CERS5: variants seen among roughly 807,000 people sequenced by gnomAD.
CERS5 encodes the protein LAG1 homolog, ceramide synthase 5.
In CERS5, 37 loss-of-function variants were observed where a neutral mutation model predicts 58.9. That is an observed-to-expected ratio of 0.63 (90% CI 0.48 to 0.83). CERS5 has a LOEUF of 0.83. CERS5 is among the 40% of genes least tolerant of loss of function. The probability of loss-of-function intolerance (pLI) is 0.00; values close to 1 mark genes in which losing one functional copy is unlikely to be tolerated. For synonymous variants in CERS5, 147 were observed against 177.8 expected, an observed-to-expected ratio of 0.83 and a Z score of 1.38; for missense variants, 398 against 489.3, an observed-to-expected ratio of 0.81 and a Z score of 1.76.
At chr12:50,158,414 C>G (rs1047473903) in intron 1 of CERS5, among the ~76,000 whole-genome samples, 1 of 152,108 alleles carries the variant, frequency 6.6e-6, no homozygotes, top group Non-Finnish European at 1.5e-5. Flanking sequence ...TTTATTTTTA[C>G]ATTTTTCTTG....
chr12:50,134,831 A>G (rs1951544302), intron 8 of CERS5, 129 bp from the exon 9 acceptor site: 2 of 751,966 alleles, frequency 2.7e-6, no homozygotes, highest in South Asian at 1.8e-5. Flanking sequence ...AGTTCCAGGG[A>G]CCGTCATCCA....
intron 1 of CERS5, chr12:50,145,089 G>T (rs1952188062): frequency 1.5e-5 from 2 of 135,366 alleles, no homozygotes; most frequent in Non-Finnish European, 2.9e-5. Flanking sequence ...AGTGAGCCGA[G>T]ATTGTGCCAC....
intron 6 of CERS5, among the ~76,000 whole-genome samples, chr12:50,137,399 A>AT (rs1951745793): frequency 1.3e-5 from 2 of 152,194 alleles, no homozygotes; most frequent in East Asian, 1.9e-4. Context: ...GGAATCAGAC[A>AT]TTTTTTCTGA....
At chr12:50,150,856 A>G (rs1327877338) in intron 1 of CERS5, among the ~76,000 whole-genome samples, 1 of 152,232 alleles carries the variant, frequency 6.6e-6, no homozygotes, top group Non-Finnish European at 1.5e-5. Context: ...GGAGGAAAGA[A>G]GTAGAAATAG....
At chr12:50,130,789 G>T in intron 9 of CERS5, 95 bp from the exon 10 acceptor site, 2 of 1,181,052 alleles carry the variant, frequency 1.7e-6, no homozygotes, top group African/African-American at 1.5e-5. Context: ...TTCCCAGTCT[G>T]GTCTGCTTTC....
intron 1 of CERS5, among the ~76,000 whole-genome samples, chr12:50,152,971 G>A (rs1410744538): frequency 6.6e-6 from 1 of 152,050 alleles, no homozygotes; most frequent in Non-Finnish European, 1.5e-5. Flanking sequence ...TCGGGAGGCT[G>A]AGGCAGGAGA....
chr12:50,140,157 A>T (rs1011170743), intron 4 of CERS5, among the ~76,000 whole-genome samples: 1 of 152,058 alleles, frequency 6.6e-6, no homozygotes, highest in Non-Finnish European at 1.5e-5. Flanking sequence ...TTTCCCTCTA[A>T]GTATGTTTTA....
intron 4 of CERS5, among the ~76,000 whole-genome samples, chr12:50,139,583 T>C (rs1488362534): frequency 1.3e-5 from 2 of 151,926 alleles, no homozygotes; most frequent in Admixed American, 1.3e-4. Context: ...CACCTGAGGT[T>C]AGGAGTTCAA....
intron 1 of CERS5, among the ~76,000 whole-genome samples, chr12:50,151,318 T>C (rs935580674): frequency 3.3e-5 from 5 of 152,206 alleles, no homozygotes; most frequent in Non-Finnish European, 7.3e-5. Flanking sequence ...CAGCATTTTA[T>C]TAGGTTGGTG....
At chr12:50,163,855 T>C (rs1055927460) in intron 1 of CERS5, among the ~76,000 whole-genome samples, 1 of 152,026 alleles carries the variant, frequency 6.6e-6, no homozygotes, top group Admixed American at 6.6e-5. Flanking sequence ...GGTTTCACCA[T>C]GTTGCCAAGG....
At chr12:50,133,773 TTAAAAGG>T in intron 9 of CERS5, 1 of 985,660 alleles carries the variant, frequency 1.0e-6, no homozygotes, top group Non-Finnish European at 1.2e-6. Flanking sequence ...AAGTCACATC[TTAAAAGG>T]TAAAACAGGC....
intron 6 of CERS5, among the ~76,000 whole-genome samples, chr12:50,136,270 C>T (rs758861343): frequency 2.8e-4 from 43 of 152,034 alleles, no homozygotes; most frequent in African/African-American, 1.0e-3. Context: ...GTCAGGAGTT[C>T]GAGACCAGCC....
chr12:50,131,413 G>C (rs1951309644), intron 9 of CERS5, among the ~76,000 whole-genome samples: 1 of 151,964 alleles, frequency 6.6e-6, no homozygotes, highest in South Asian at 2.1e-4. Flanking sequence ...ACAAAAATTA[G>C]CCGGGTGTGG....
intron 2 of CERS5, 149 bp from the exon 3 acceptor site, chr12:50,143,353 A>T (rs1482954438): frequency 3.4e-6 from 3 of 879,898 alleles, no homozygotes; most frequent in East Asian, 5.0e-5. Flanking sequence ...ATTTTTAGTA[A>T]GAAATTTTAT....
Position 50,138,568 on chromosome 12 carries a change from T to G in CERS5, c.542A>C (p.Gln181Pro). The change falls in exon 5 of 10, where the codon CAG (glutamine) becomes CCG (proline). Residue 181 changes from glutamine (Q) to proline (P), a missense_variant and splice_region_variant. This residue lies in a region of CERS5 where 328 missense variants were observed against 384.5 expected (regional missense o/e 0.85). Transcript: ENST00000317551. ...IRQCWHNYPFQPLSSGLYHYY... is the reference protein window; with the variant it reads ...IRQCWHNYPFPPLSSGLYHYY... ...ATCCTGAAACGACTCAGATCCTACC[T>G]GAAATGGATAGTTATGCCAGCACTG... is the stretch of plus-strand genomic sequence containing the variant. 1 of 1,613,598 alleles carries G rather than the reference T, an allele frequency of 6.2e-7. No individual in the cohort carries two copies. The highest frequency in any genetic ancestry group is 2.2e-5 in the East Asian group (1 of 44,878).
intron 9 of CERS5, 171 bp downstream of exon 9, chr12:50,134,375 A>G: frequency 6.5e-7 from 1 of 1,545,798 alleles, no homozygotes. Context: ...CCTTGTCTCT[A>G]AAATAAAAAA....
intron 1 of CERS5, among the ~76,000 whole-genome samples, chr12:50,156,255 T>G (rs1467966896): frequency 1.4e-5 from 2 of 148,034 alleles, no homozygotes; most frequent in African/African-American, 2.5e-5. Context: ...CAAAAAAAAA[T>G]TAGCCGGGTG....
chr12:50,156,420 C>CAAACTATATATATATA lies in CERS5; in HGVS notation c.197+10680_197+10681insTATATATATATAGTTT, dbSNP rs373330621. Among the ~76,000 whole-genome samples, 4 of 77,322 alleles carry CAAACTATATATATATA rather than the reference C, an allele frequency of 5.2e-5. 1 individual carries two copies. In the Admixed American group the frequency reaches 5.8e-4, roughly 11 times the overall value. The allele number at this position is 77,322 out of a possible 152,430, so 50.7% of individuals were successfully genotyped here. A position where few individuals can be genotyped will look rare whatever the true frequency, so the allele number is the denominator to read the frequency against. ...CTCTGTCTCAAAACAAACAAACAAA[C>CAAACTATATATATATA]TATATATATATATATATAAAACAAT... On this transcript the variant is annotated intron_variant, in intron 1 of 9. Transcript: ENST00000317551.
At chr12:50,148,560 G>T in intron 1 of CERS5, 1 of 351,094 alleles carries the variant, frequency 2.8e-6, no homozygotes, top group East Asian at 1.2e-4. Context: ...TCTCACCACT[G>T]CACTCCAGTC....
Sources: allele counts gnomAD v4.1 joint callset (sites outside exome capture counted in the v4.1 genomes callset), GRCh38; gene constraint gnomAD v4.1.1; regional missense constraint gnomAD v4.1.1; transcripts MANE v1.5; gene names NCBI Gene and HGNC (gene_info 2026-07-23, HGNC 2026-07-21).